The following TERB2 variants were observed in gnomAD, a reference collection of about 807,000 sequenced individuals.
TERB2 encodes the protein telomere repeat binding bouquet formation protein 2.
TERB2 carries 26 observed loss-of-function variants against 29.8 expected under a neutral mutation model. The ratio of observed to expected loss-of-function variants is 0.87; its 90% CI spans 0.64 to 1.21. The LOEUF is 1.21. TERB2 is among the 50% of genes most tolerant of loss of function. The probability of loss-of-function intolerance (pLI) is 0.00; values close to 1 mark genes in which losing one functional copy is unlikely to be tolerated. For synonymous variants in TERB2, 80 were observed against 90.8 expected, an observed-to-expected ratio of 0.88 and a Z score of 0.68; for missense variants, 240 against 268.6, an observed-to-expected ratio of 0.89 and a Z score of 0.74.
intron 6 of TERB2, among the ~76,000 whole-genome samples, chr15:44,975,199 G>A (rs1295640409): frequency 6.6e-6 from 1 of 152,060 alleles, no homozygotes; most frequent in Non-Finnish European, 1.5e-5. Flanking sequence ...TTGCTCAATT[G>A]AATAAATTTC....
At chr15:44,970,147 G>A (rs1458558374) in intron 5 of TERB2, 1 of 156,342 alleles carries the variant, frequency 6.4e-6, no homozygotes, top group Non-Finnish European at 1.4e-5. Context: ...TGAGTCAGGA[G>A]GGATTGGGAA....
rs565197174 is a variant in TERB2, at chr15:44,963,114, T to A, written c.348+1530T>A. Among the ~76,000 whole-genome samples the A allele has an allele frequency of 2.6e-3, 393 of 152,236 alleles. 2 individuals carry two copies. The highest frequency in any genetic ancestry group is 9.3e-3 in the African/African-American group (385 of 41,556). ...AATCACCATTTTTAAAACCCTCAAT[T>A]TAATAATTGATTTAGATAAGGTCAT... On this transcript the variant is annotated intron_variant, in intron 4 of 6. Transcript: ENST00000340827.
intron 5 of TERB2, among the ~76,000 whole-genome samples, chr15:44,968,739 T>G (rs12232312): frequency 0.16 from 24,847 of 151,370 alleles, 2,476 homozygotes; most frequent in East Asian, 0.34. Context: ...GCTGCTAGGA[T>G]TACAGGCATG....
At chr15:44,964,349 T>A (rs1288451221) in intron 4 of TERB2, among the ~76,000 whole-genome samples, 1 of 152,242 alleles carries the variant, frequency 6.6e-6, no homozygotes, top group Non-Finnish European at 1.5e-5. Context: ...CTTTCAGTTT[T>A]TTTTTCTAGG....
intron 4 of TERB2, chr15:44,962,871 C>CAG (rs1891828608): frequency 6.6e-6 from 1 of 152,148 alleles, no homozygotes; most frequent in Admixed American, 6.6e-5. Context: ...TGGAACAATA[C>CAG]AGAGATTAGC....
At chr15:44,960,506 C>T (rs955107006) in intron 3 of TERB2, among the ~76,000 whole-genome samples, 18 of 152,076 alleles carry the variant, frequency 1.2e-4, no homozygotes, top group South Asian at 6.2e-4. Context: ...CATGCTGAGA[C>T]GCCCTTCTCT....
At chr15:44,960,152 C>G (rs1184454985) in intron 3 of TERB2, among the ~76,000 whole-genome samples, 1 of 151,990 alleles carries the variant, frequency 6.6e-6, no homozygotes, top group Non-Finnish European at 1.5e-5. Flanking sequence ...AATTATCACT[C>G]CTATTCTGTC....
intron 5 of TERB2, among the ~76,000 whole-genome samples, chr15:44,972,133 G>A (rs1284203651): frequency 6.6e-6 from 1 of 151,554 alleles, no homozygotes; most frequent in Non-Finnish European, 1.5e-5. Flanking sequence ...GGGATTACAG[G>A]CATGTGCCAC....
rs190294876 is a variant in TERB2 at position 44,975,085 on chromosome 15, T to C, written c.523+1130T>C. Among the ~76,000 whole-genome samples, 28 of 152,324 alleles carry C rather than the reference T, an allele frequency of 1.8e-4. No homozygotes were observed. The East Asian group carries it at 5.2e-3, about 28-fold the overall frequency. ...CATAAAAACAAATTTTTAAAAACTA[T>C]TAAAAAATTAGTCAGAATTTTAAAA... On this transcript the variant is annotated intron_variant, in intron 6 of 6. Coordinates refer to ENST00000340827, the MANE Select transcript of TERB2 (RefSeq NM_152448.3).
At position 44,968,954 on chromosome 15, in the gene TERB2, G is replaced by A. The variant is rs1316467984; in HGVS notation, c.434+2711G>A. On this transcript the variant is annotated intron_variant, in intron 5 of 6. Coordinates refer to ENST00000340827, the MANE Select transcript of TERB2 (RefSeq NM_152448.3). ...TGTGTGTGTGAGAGAGAGAGAGACA[G>A]GATCTTGCTGTGTCACCCAAGCTGC... is the stretch of plus-strand genomic sequence containing the variant. Among the ~76,000 whole-genome samples the A allele has an allele frequency of 1.3e-4, 20 of 151,982 alleles. 1 individual carries two copies. The highest frequency in any genetic ancestry group is 5.9e-5 in the Non-Finnish European group (4 of 68,012).
intron 5 of TERB2, chr15:44,970,674 AACC>A (rs1891953296): frequency 5.9e-6 from 1 of 170,288 alleles, no homozygotes; most frequent in Non-Finnish European, 1.3e-5. Context: ...TCTTGTTCCA[AACC>A]GTGGATCTTC....
chr15:44,964,720 T>C (rs1029485681), intron 4 of TERB2, among the ~76,000 whole-genome samples: 3 of 152,118 alleles, frequency 2.0e-5, no homozygotes, highest in African/African-American at 7.2e-5. Flanking sequence ...TTTCAAAATA[T>C]TGGTTGATAT....
intron 5 of TERB2, among the ~76,000 whole-genome samples, chr15:44,972,340 T>C (rs1365837567): frequency 6.6e-6 from 1 of 151,976 alleles, no homozygotes; most frequent in African/African-American, 2.4e-5. Context: ...ACTTCTAGAT[T>C]TTTAGGAAAA....
intron 3 of TERB2, among the ~76,000 whole-genome samples, chr15:44,959,518 C>T (rs1254904077): frequency 6.6e-6 from 1 of 152,108 alleles, no homozygotes; most frequent in Non-Finnish European, 1.5e-5. Flanking sequence ...CAGGCGCCCA[C>T]CACCACACCC....
intron 5 of TERB2, among the ~76,000 whole-genome samples, chr15:44,972,647 C>T (rs1891988043): frequency 6.6e-6 from 1 of 151,374 alleles, no homozygotes; most frequent in Non-Finnish European, 1.5e-5. Context: ...TCCCGAATAG[C>T]TGGGATTACA....
At chr15:44,959,373 A>G (rs1390739021) in intron 3 of TERB2, among the ~76,000 whole-genome samples, 1 of 151,692 alleles carries the variant, frequency 6.6e-6, no homozygotes, top group African/African-American at 2.4e-5. Context: ...GGCTAACTTT[A>G]TTATTATTAT....
Position 44,978,719 on chromosome 15 carries a change from G to A in TERB2, c.*91G>A. 7.6e-7 allele frequency: 1 copy of A among 1,320,942 alleles called. No individual in the cohort carries two copies. The highest frequency in any genetic ancestry group is 1.5e-5 in the African/African-American group (1 of 66,748). 81.8% of individuals were successfully genotyped at this position (1,320,942 alleles called of 1,614,324 possible). A position where few individuals can be genotyped will look rare whatever the true frequency, so the allele number is the denominator to read the frequency against. Reference sequence around the variant, plus strand: ...AAAATGCTCCCTTTTGGTACTGGGGGATAGTGAAATGGGAAATAATTTTTC... The same window carrying A: ...AAAATGCTCCCTTTTGGTACTGGGGAATAGTGAAATGGGAAATAATTTTTC... On this transcript the variant is annotated 3_prime_UTR_variant, in exon 7 of 7. Coordinates refer to ENST00000340827, the MANE Select transcript of TERB2 (RefSeq NM_152448.3).
chr15:44,978,697 A>G lies in TERB2; in HGVS notation c.*69A>G, dbSNP rs1892081525. ...ATTATACAGATGTGCATATCATAAA[A>G]TGCTCCCTTTTGGTACTGGGGGATA... On this transcript the variant is annotated 3_prime_UTR_variant, in exon 7 of 7. Coordinates refer to ENST00000340827, the MANE Select transcript of TERB2 (RefSeq NM_152448.3). 1 of 1,387,582 alleles carries G rather than the reference A, an allele frequency of 7.2e-7. No homozygotes were observed. The highest frequency in any genetic ancestry group is 9.4e-7 in the Non-Finnish European group (1 of 1,060,940). The allele number at this position is 1,387,582 out of a possible 1,614,324, so 86.0% of individuals were successfully genotyped here.
chr15:44,972,483 T>C (rs1566946697), intron 5 of TERB2, among the ~76,000 whole-genome samples: 3 of 151,798 alleles, frequency 2.0e-5, no homozygotes, highest in Non-Finnish European at 4.4e-5. Context: ...AAAACATGAA[T>C]GAAAATAGGA....
Sources: allele counts gnomAD v4.1 joint callset (sites outside exome capture counted in the v4.1 genomes callset), GRCh38; gene constraint gnomAD v4.1.1; transcripts MANE v1.5; gene names NCBI Gene and HGNC (gene_info 2026-07-23, HGNC 2026-07-21).